SOX6: variants seen among roughly 807,000 people sequenced by gnomAD.
The protein encoded by SOX6 is SRY-box transcription factor 6, also known as transcription factor SOX-6.
A neutral mutation model predicts 97.8 loss-of-function variants in SOX6; 11 were observed. That is an observed-to-expected ratio of 0.11 (90% CI 0.07 to 0.19). The LOEUF (loss-of-function observed/expected upper bound fraction) is 0.19, where lower values mean the gene tolerates loss of function less well. SOX6 is among the 10% of genes least tolerant of loss of function. SOX6 has a pLI of 1.00. For missense variants in SOX6, 810 were observed against 1,039.5 expected (o/e 0.78, Z 3.04); for synonymous variants, 360 against 371.4 (o/e 0.97, Z 0.35).
chr11:16,204,720 G>C (rs1852029082), intron 4 of SOX6, among the ~76,000 whole-genome samples: 1 of 151,954 alleles, frequency 6.6e-6, no homozygotes, highest in South Asian at 2.1e-4. Context: ...AAATTGAATT[G>C]TCTTTTTAAG....
At chr11:16,032,992 T>A (rs1249567652) in intron 12 of SOX6, among the ~76,000 whole-genome samples, 2 of 152,186 alleles carry the variant, frequency 1.3e-5, no homozygotes, top group African/African-American at 4.8e-5. Context: ...ACACTTTTCA[T>A]TCACTCATTT....
intron 4 of SOX6, among the ~76,000 whole-genome samples, chr11:16,545,344 CA>C (rs71455887): frequency 0.15 from 17,569 of 121,104 alleles, 1,045 homozygotes; most frequent in Non-Finnish European, 0.17. Context: ...AGTCCAAGCC[CA>C]AAAAAAAAAA....
intron 4 of SOX6, among the ~76,000 whole-genome samples, chr11:16,524,079 A>C (rs1004178925): frequency 3.9e-5 from 6 of 152,220 alleles, no homozygotes; most frequent in African/African-American, 1.2e-4. Flanking sequence ...TTCCTTCTGA[A>C]ACTATTCCAA....
At chr11:15,974,867 A>G (rs998844877) in intron 15 of SOX6, among the ~76,000 whole-genome samples, 6 of 152,148 alleles carry the variant, frequency 3.9e-5, no homozygotes, top group Non-Finnish European at 8.8e-5. Flanking sequence ...AATTAACATC[A>G]TGGCCCCATA....
intron 3 of SOX6, 98 bp downstream of exon 3, chr11:16,318,348 A>T (rs1590120017): frequency 7.7e-7 from 1 of 1,305,816 alleles, no homozygotes; most frequent in African/African-American, 1.5e-5. Flanking sequence ...ACAATTATGC[A>T]CTTCTCTGAC....
intron 3 of SOX6, among the ~76,000 whole-genome samples, chr11:16,306,915 C>T (rs559123209): frequency 3.1e-4 from 47 of 152,254 alleles, no homozygotes; most frequent in Admixed American, 2.0e-4. Context: ...TGAGCCACTA[C>T]GCTCAGCCTA....
chr11:16,620,645 T>C (rs1293175206), intron 3 of SOX6, among the ~76,000 whole-genome samples: 4 of 152,204 alleles, frequency 2.6e-5, no homozygotes, highest in African/African-American at 9.7e-5. Flanking sequence ...TCAATAAAAC[T>C]ATATATGTCT....
chr11:16,007,919 G>A (rs1854606500), intron 13 of SOX6, among the ~76,000 whole-genome samples: 1 of 152,190 alleles, frequency 6.6e-6, no homozygotes, highest in Non-Finnish European at 1.5e-5. Flanking sequence ...TTTCATGGTA[G>A]ATAGTATTAA....
At chr11:16,312,327 T>C (rs1390225548) in intron 3 of SOX6, 1 of 152,180 alleles carries the variant, frequency 6.6e-6, no homozygotes, top group Non-Finnish European at 1.5e-5. Context: ...AGGAATTTAG[T>C]TTTATTTTGT....
rs745812935 is a variant in SOX6 at position 15,970,641 on chromosome 11, C to T, written c.*2168G>A. On this transcript the variant is annotated 3_prime_UTR_variant, in exon 16 of 16. Coordinates refer to ENST00000683767, the MANE Select transcript of SOX6 (RefSeq NM_001367873.1). ...TCTAATCCCCAACCAACATGAATAA[C>T]AAAGAGTTCCTATCAGTACCTTAAT... 1.2e-4 allele frequency: 18 copies of T among 152,574 alleles called. No homozygotes were observed. Among genetic ancestry groups the T allele is most frequent in the Admixed American group, 9.8e-4 (15 of 15,274 alleles). The allele number at this position is 152,574 out of a possible 1,614,324, so 9.5% of individuals were successfully genotyped here.
At chr11:16,233,880 G>A (rs777105486) in intron 4 of SOX6, among the ~76,000 whole-genome samples, 13 of 151,620 alleles carry the variant, frequency 8.6e-5, no homozygotes, top group East Asian at 1.9e-4. Flanking sequence ...GGTGGTGCAC[G>A]CCTATAGGCC....
At chr11:16,350,496 T>C (rs1020380680) in intron 1 of SOX6, among the ~76,000 whole-genome samples, 8 of 152,198 alleles carry the variant, frequency 5.3e-5, no homozygotes, top group Non-Finnish European at 1.0e-4. Flanking sequence ...ACACTTCTTA[T>C]AAGCTCAGCA....
At chr11:16,674,103 T>C (rs975951147) in intron 3 of SOX6, among the ~76,000 whole-genome samples, 2 of 143,008 alleles carry the variant, frequency 1.4e-5, no homozygotes, top group Non-Finnish European at 3.0e-5. Flanking sequence ...GGCAGGAAAA[T>C]GGTGTGAACC....
chr11:16,260,154 C>A (rs553683563), intron 3 of SOX6, among the ~76,000 whole-genome samples: 1 of 151,996 alleles, frequency 6.6e-6, no homozygotes. Context: ...CACCTGCCAC[C>A]ACACTTGGCT....
intron 15 of SOX6, among the ~76,000 whole-genome samples, chr11:15,973,605 G>T (rs2119767624): frequency 6.6e-6 from 1 of 152,336 alleles, no homozygotes; most frequent in East Asian, 1.9e-4. Flanking sequence ...CAAAGAGTGA[G>T]ATTCAGCAAA....
At chr11:16,376,115 T>C (rs1590169618) in intron 1 of SOX6, among the ~76,000 whole-genome samples, 1 of 152,014 alleles carries the variant, frequency 6.6e-6, no homozygotes, top group Non-Finnish European at 1.5e-5. Context: ...CACCATGGCA[T>C]GTGTATACCT....
chr11:16,158,318 A>G (rs920428756), intron 6 of SOX6, among the ~76,000 whole-genome samples: 4 of 151,934 alleles, frequency 2.6e-5, no homozygotes, highest in African/African-American at 9.7e-5. Flanking sequence ...TGGTGTATAT[A>G]TTATGTTCTT....
intron 4 of SOX6, among the ~76,000 whole-genome samples, chr11:16,608,368 C>T (rs919222777): frequency 2.6e-5 from 4 of 151,610 alleles, no homozygotes; most frequent in Admixed American, 6.6e-5. Flanking sequence ...ACCACAAAAG[C>T]GAGTCACGAG....
At chr11:16,382,600 T>C (rs950575511) in intron 1 of SOX6, among the ~76,000 whole-genome samples, 4 of 152,010 alleles carry the variant, frequency 2.6e-5, no homozygotes, top group African/African-American at 4.8e-5. Flanking sequence ...TTACCTAATA[T>C]AGTATCATAT....
Sources: allele counts gnomAD v4.1 joint callset (sites outside exome capture counted in the v4.1 genomes callset), GRCh38; gene constraint gnomAD v4.1.1; transcripts MANE v1.5; gene names NCBI Gene and HGNC (gene_info 2026-07-23, HGNC 2026-07-21).